The following NRXN1 variants were observed in gnomAD, a reference collection of about 807,000 sequenced individuals.
NRXN1 encodes neurexin 1.
In NRXN1, 39 loss-of-function variants were observed where a neutral mutation model predicts 150.9. The observed-to-expected ratio is 0.26, with a 90% CI of 0.20 to 0.34. NRXN1 has a LOEUF of 0.34. Among genes scored for constraint, NRXN1 ranks in the 10% least tolerant of loss-of-function variants. The pLI, the probability that NRXN1 is intolerant of heterozygous loss-of-function variation, is 1.00. For missense variants in NRXN1, 1,815 were observed against 1,949.9 expected (o/e 0.93, Z 1.30); for synonymous variants, 924 against 757.0 (o/e 1.22, Z -3.62).
intron 8 of NRXN1, among the ~76,000 whole-genome samples, chr2:50,616,874 C>T (rs1030758870): frequency 1.3e-5 from 2 of 152,180 alleles, no homozygotes; most frequent in Admixed American, 6.5e-5. Context: ...TAAGGGTTTA[C>T]ACATGCAGTG....
intron 17 of NRXN1, among the ~76,000 whole-genome samples, chr2:50,442,091 A>C (rs916340853): frequency 6.6e-6 from 1 of 152,106 alleles, no homozygotes; most frequent in Non-Finnish European, 1.5e-5. Context: ...AGTGAACATA[A>C]TTGTTATGAA....
chr2:50,558,872 C>A (rs1022759707), intron 8 of NRXN1, among the ~76,000 whole-genome samples: 1 of 151,966 alleles, frequency 6.6e-6, no homozygotes. Flanking sequence ...GTCAGGAGAT[C>A]GAGATAGAGA....
In NRXN1 at chr2:50,320,295, T is replaced by C. The variant is rs1456880929; in HGVS notation, c.3365-83325A>G. On this transcript the variant is annotated intron_variant, in intron 17 of 22. Coordinates refer to ENST00000401669, the MANE Select transcript of NRXN1 (RefSeq NM_001330078.2). Reference sequence around the variant, plus strand: ...CTTATACCTCAATCATATATATATATATATATATATATATATATATATATA... The same window carrying C: ...CTTATACCTCAATCATATATATATACATATATATATATATATATATATATA... Among the ~76,000 whole-genome samples the C allele has an allele frequency of 2.7e-4, 29 of 107,288 alleles. 1 individual carries two copies. The highest frequency in any genetic ancestry group is 7.1e-4 in the African/African-American group (18 of 25,410). The allele number at this position is 107,288 out of a possible 152,430, so 70.4% of individuals were successfully genotyped here.
chr2:50,045,058 T>A (rs1361555154), intron 21 of NRXN1, among the ~76,000 whole-genome samples: 1 of 152,098 alleles, frequency 6.6e-6, no homozygotes, highest in Non-Finnish European at 1.5e-5. Context: ...GTTTGGTAAA[T>A]GCTGAATAAA....
chr2:50,719,655 G>A (rs758055125), intron 5 of NRXN1, among the ~76,000 whole-genome samples: 2 of 151,964 alleles, frequency 1.3e-5, no homozygotes, highest in Non-Finnish European at 2.9e-5. Flanking sequence ...CAGCCCAGGC[G>A]ACAGTGCAAG....
intron 5 of NRXN1, among the ~76,000 whole-genome samples, chr2:50,790,468 A>T (rs1705782935): frequency 6.6e-6 from 1 of 152,130 alleles, no homozygotes; most frequent in Non-Finnish European, 1.5e-5. Context: ...AACCAAAAAT[A>T]AAAGCAGCCA....
At chr2:50,710,772 C>T (rs1695041103) in intron 5 of NRXN1, among the ~76,000 whole-genome samples, 1 of 152,168 alleles carries the variant, frequency 6.6e-6, no homozygotes, top group Non-Finnish European at 1.5e-5. Context: ...GTTTGCTTCT[C>T]TGCTTTTTTT....
chr2:50,312,403 G>A (rs1314456499), intron 17 of NRXN1, among the ~76,000 whole-genome samples: 1 of 151,708 alleles, frequency 6.6e-6, no homozygotes, highest in African/African-American at 2.4e-5. Context: ...GTGTGTCTAT[G>A]AGATGGCTGT....
At chr2:49,974,659 TGAATGACATTTTTTGAATGCCAA>T (rs1678627235) in intron 21 of NRXN1, among the ~76,000 whole-genome samples, 1 of 152,144 alleles carries the variant, frequency 6.6e-6, no homozygotes, top group African/African-American at 2.4e-5. Context: ...TGTAAGTTAA[TGAATGACATTTTTTGAATGCCAA>T]GTTTATAATG....
At chr2:51,026,201 C>T (rs1670433427) in intron 2 of NRXN1, among the ~76,000 whole-genome samples, 1 of 152,184 alleles carries the variant, frequency 6.6e-6, no homozygotes, top group African/African-American at 2.4e-5. Flanking sequence ...GCTTTTGTCC[C>T]TATAGCTTTC....
rs562665369 is a variant in NRXN1 at position 50,666,553 on chromosome 2, G to GT, written c.833-42939dup. On this transcript the variant is annotated intron_variant, in intron 5 of 22. Transcript: ENST00000401669. ...GTACCATTTCACATTCCCATGAATG[G>GT]TATGTGAGAGTTTCAGTTCTTCCAC... is the stretch of plus-strand genomic sequence containing the variant. Among the ~76,000 whole-genome samples, 64 of 151,984 alleles carry GT rather than the reference G, an allele frequency of 4.2e-4. No individual in the cohort carries two copies. In the East Asian group the frequency reaches 5.4e-3, roughly 13 times the overall value.
chr2:50,984,812 T>C lies in NRXN1; in HGVS notation c.772+42690A>G, dbSNP rs531278121. Reference sequence around the variant, plus strand: ...CAAATCAAGTCAGTGACAAAGGGAATGTGAATAGAGAAACCGCTTAAAGAG... The same window carrying C: ...CAAATCAAGTCAGTGACAAAGGGAACGTGAATAGAGAAACCGCTTAAAGAG... On this transcript the variant is annotated intron_variant, in intron 2 of 22. Transcript: ENST00000401669. Among the ~76,000 whole-genome samples, 8 of 152,160 alleles carry C rather than the reference T, an allele frequency of 5.3e-5. No individual in the cohort carries two copies. The East Asian group carries it at 1.4e-3, about 26-fold the overall frequency.
chr2:49,976,224 G>T (rs532851835), intron 21 of NRXN1, among the ~76,000 whole-genome samples: 2 of 151,262 alleles, frequency 1.3e-5, no homozygotes, highest in African/African-American at 4.9e-5. Flanking sequence ...GTAGAGATGG[G>T]GTTACACCAT....
At chr2:50,344,005 T>C (rs1171416608) in intron 17 of NRXN1, among the ~76,000 whole-genome samples, 2 of 152,198 alleles carry the variant, frequency 1.3e-5, no homozygotes, top group Non-Finnish European at 2.9e-5. Context: ...ATTTATCATA[T>C]TGTCATTAAC....
chr2:50,358,841 G>C (rs751249090), intron 17 of NRXN1, among the ~76,000 whole-genome samples: 20 of 152,182 alleles, frequency 1.3e-4, no homozygotes, highest in Non-Finnish European at 2.6e-4. Flanking sequence ...GCTCCAGCTG[G>C]CATCTGGCAG....
At chr2:50,576,442 C>A (rs1005963457) in intron 8 of NRXN1, among the ~76,000 whole-genome samples, 1 of 151,998 alleles carries the variant, frequency 6.6e-6, no homozygotes, top group African/African-American at 2.4e-5. Flanking sequence ...AAACTAATAC[C>A]AGTGCATTCC....
intron 5 of NRXN1, among the ~76,000 whole-genome samples, chr2:50,804,697 C>A (rs1367587256): frequency 1.3e-5 from 2 of 151,830 alleles, no homozygotes; most frequent in Non-Finnish European, 2.9e-5. Flanking sequence ...CCCTTTTTTT[C>A]TTTCTTTTTG....
At chr2:50,815,885 T>C (rs570654056) in intron 5 of NRXN1, among the ~76,000 whole-genome samples, 12 of 152,224 alleles carry the variant, frequency 7.9e-5, no homozygotes, top group African/African-American at 2.4e-4. Context: ...CATAAGTGTA[T>C]CCTGAAAAAT....
chr2:50,782,737 T>C (rs1290712407), intron 5 of NRXN1, among the ~76,000 whole-genome samples: 1 of 152,184 alleles, frequency 6.6e-6, no homozygotes, highest in Non-Finnish European at 1.5e-5. Flanking sequence ...CTCTCCAGAA[T>C]GTAATCATTA....
Sources: allele counts gnomAD v4.1 joint callset (sites outside exome capture counted in the v4.1 genomes callset), GRCh38; gene constraint gnomAD v4.1.1; transcripts MANE v1.5; gene names NCBI Gene and HGNC (gene_info 2026-07-23, HGNC 2026-07-21).